RPH3A: variants seen among roughly 807,000 people sequenced by gnomAD.
RPH3A encodes the protein rabphilin-3A.
RPH3A carries 48 observed loss-of-function variants against 102.2 expected under a neutral mutation model. The observed-to-expected ratio is 0.47, with a 90% CI of 0.37 to 0.60. The LOEUF (loss-of-function observed/expected upper bound fraction) is 0.60, where lower values mean the gene tolerates loss of function less well. RPH3A is among the 20% of genes least tolerant of loss of function. The pLI is 0.00. For missense variants in RPH3A, 781 were observed against 910.1 expected (o/e 0.86, Z 1.83); for synonymous variants, 310 against 324.3 (o/e 0.96, Z 0.47).
intron 1 of RPH3A, among the ~76,000 whole-genome samples, chr12:112,602,840 A>G (rs902160681): frequency 1.3e-5 from 2 of 152,160 alleles, no homozygotes; most frequent in Non-Finnish European, 2.9e-5. Context: ...GAAAGGAAAT[A>G]TCTTTTCTTT....
At chr12:112,837,940 T>C (rs1335638856) in intron 4 of RPH3A, 17 of 407,624 alleles carry the variant, frequency 4.2e-5, no homozygotes, top group Non-Finnish European at 7.3e-5. Flanking sequence ...AATAAACACT[T>C]ACCCCAAGTA....
chr12:112,633,338 T>C (rs1039312249), intron 1 of RPH3A, among the ~76,000 whole-genome samples: 5 of 152,216 alleles, frequency 3.3e-5, no homozygotes, highest in African/African-American at 1.2e-4. Flanking sequence ...CCAAAACTCA[T>C]GTTGAAACTT....
chr12:112,681,395 C>T (rs1373104664), intron 1 of RPH3A, among the ~76,000 whole-genome samples: 1 of 152,230 alleles, frequency 6.6e-6, no homozygotes, highest in African/African-American at 2.4e-5. Context: ...TTTAATATTA[C>T]TCTCCTGCCT....
rs907114191 is a variant in RPH3A at position 112,863,097 on chromosome 12, G to T, written c.231-2317G>T. ...AAGTGACCCCCCCAAAAAAAAACCC[G>T]AAGTGGAAACAGGATACCACAGTTG... On this transcript the variant is annotated intron_variant, in intron 5 of 21. Coordinates refer to ENST00000389385, the MANE Select transcript of RPH3A (RefSeq NM_001143854.2). Among the ~76,000 whole-genome samples, 4 of 152,274 alleles carry T rather than the reference G, an allele frequency of 2.6e-5. No homozygotes were observed. In the East Asian group the frequency reaches 7.7e-4, roughly 29 times the overall value.
rs554626250 is a variant in RPH3A at position 112,765,954 on chromosome 12, A to G, written c.-139-26189A>G. Among the ~76,000 whole-genome samples, 9 of 152,336 alleles carry G rather than the reference A, an allele frequency of 5.9e-5. No individual in the cohort carries two copies. In the South Asian group the frequency reaches 1.9e-3, roughly 32 times the overall value. ...GGCTTCATTGCAACTCAGAAGTCAT[A>G]CTGTCACCATGGACCCTTCCCCATA... On this transcript the variant is annotated intron_variant, in intron 1 of 21. Coordinates refer to the RPH3A transcript ENST00000543106.
At chr12:112,863,348 C>T (rs915622582) in intron 5 of RPH3A, among the ~76,000 whole-genome samples, 6 of 152,164 alleles carry the variant, frequency 3.9e-5, no homozygotes, top group African/African-American at 9.7e-5. Context: ...GACAGAGTCT[C>T]GTTCTGTCAC....
chr12:112,763,551 G>T (rs982177134), intron 1 of RPH3A, among the ~76,000 whole-genome samples: 1 of 152,206 alleles, frequency 6.6e-6, no homozygotes, highest in African/African-American at 2.4e-5. Context: ...ATTATCTAAA[G>T]ACCTGGAATC....
At chr12:112,803,412 C>T (rs760958723) in intron 2 of RPH3A, among the ~76,000 whole-genome samples, 6 of 151,934 alleles carry the variant, frequency 3.9e-5, no homozygotes, top group Admixed American at 1.3e-4. Flanking sequence ...TCACAGAGCA[C>T]GCTGTGTAGG....
At chr12:112,835,629 A>T (rs2042036654) in intron 3 of RPH3A, among the ~76,000 whole-genome samples, 1 of 152,194 alleles carries the variant, frequency 6.6e-6, no homozygotes, top group South Asian at 2.1e-4. Context: ...CACACATGCT[A>T]TCTAGTCTGC....
intron 5 of RPH3A, among the ~76,000 whole-genome samples, chr12:112,855,228 G>A (rs1420335498): frequency 6.6e-6 from 1 of 152,282 alleles, no homozygotes; most frequent in Non-Finnish European, 1.5e-5. Flanking sequence ...GTGTGCCTTG[G>A]TTTCCCCATC....
intron 1 of RPH3A, among the ~76,000 whole-genome samples, chr12:112,614,688 C>CAAAAAAA (rs35810360): frequency 1.1e-4 from 3 of 27,150 alleles, no homozygotes; most frequent in East Asian, 1.6e-3. Context: ...GACCCTGCCT[C>CAAAAAAA]AAAAAAAAAA....
chr12:112,635,993 T>A (rs1366607569), intron 1 of RPH3A, among the ~76,000 whole-genome samples: 2 of 151,656 alleles, frequency 1.3e-5, no homozygotes, highest in Non-Finnish European at 1.5e-5. Context: ...GTAGGTAATA[T>A]GGATTCACAA....
chr12:112,757,632 A>C (rs2136064612), intron 1 of RPH3A, among the ~76,000 whole-genome samples: 1 of 152,318 alleles, frequency 6.6e-6, no homozygotes, highest in East Asian at 1.9e-4. Flanking sequence ...TGTACCCCAT[A>C]AATATGTGCA....
intron 4 of RPH3A, among the ~76,000 whole-genome samples, chr12:112,842,397 A>G (rs1223912583): frequency 2.6e-5 from 4 of 152,238 alleles, no homozygotes; most frequent in Non-Finnish European, 5.9e-5. Context: ...GAGCTCACTA[A>G]TAAGTATTCC....
Position 112,743,025 on chromosome 12 carries a change from G to A in RPH3A, c.-139-49118G>A, listed in dbSNP as rs531786661. On this transcript the variant is annotated intron_variant, in intron 1 of 21. Coordinates refer to the RPH3A transcript ENST00000543106. ...TCCAACCTCTTGCTTCTGCCATCCC[G>A]TGTCCTACTTCCTCTTCTGTAGTCA... is the stretch of plus-strand genomic sequence containing the variant. Among the ~76,000 whole-genome samples, 19 of 152,182 alleles carry A rather than the reference G, an allele frequency of 1.2e-4. No homozygotes were observed. In the East Asian group the frequency reaches 1.7e-3, roughly 14 times the overall value.
chr12:112,776,918 G>T (rs926256987), intron 1 of RPH3A, among the ~76,000 whole-genome samples: 29 of 125,586 alleles, frequency 2.3e-4, no homozygotes, highest in Non-Finnish European at 4.5e-4. Context: ...AAAAGAAAGT[G>T]CAAGGCCTCT....
intron 1 of RPH3A, among the ~76,000 whole-genome samples, chr12:112,749,960 T>C (rs1317169470): frequency 1.3e-5 from 2 of 152,196 alleles, no homozygotes; most frequent in Non-Finnish European, 2.9e-5. Flanking sequence ...AGCATCTCTA[T>C]GGGATGCTTA....
At chr12:112,727,416 T>TAA (rs2040599317) in intron 1 of RPH3A, among the ~76,000 whole-genome samples, 1 of 135,736 alleles carries the variant, frequency 7.4e-6, no homozygotes. Context: ...AATATATATA[T>TAA]ATATACATAC....
At chr12:112,731,248 G>T (rs186807897) in intron 1 of RPH3A, among the ~76,000 whole-genome samples, 1 of 152,116 alleles carries the variant, frequency 6.6e-6, no homozygotes. Flanking sequence ...AGAGAGAGGA[G>T]AGAGAAAGAG....
Sources: allele counts gnomAD v4.1 joint callset (sites outside exome capture counted in the v4.1 genomes callset), GRCh38; gene constraint gnomAD v4.1.1; transcripts MANE v1.5; gene names NCBI Gene and HGNC (gene_info 2026-07-23, HGNC 2026-07-21).